RBPJ: variants seen among roughly 807,000 people sequenced by gnomAD.
The protein encoded by RBPJ is recombination signal binding protein for immunoglobulin kappa J region.
Under a neutral mutation model 67.8 loss-of-function variants are expected in RBPJ, and 9 were observed. That is an observed-to-expected ratio of 0.13 (90% CI 0.08 to 0.23). The LOEUF is 0.23. RBPJ is among the 10% of genes least tolerant of loss of function. RBPJ has a pLI of 1.00. For synonymous variants in RBPJ, 198 were observed against 203.3 expected, an observed-to-expected ratio of 0.97 and a Z score of 0.22; for missense variants, 305 against 595.6, an observed-to-expected ratio of 0.51 and a Z score of 5.08.
chr4:26,200,323 G>T (rs557156228), intron 1 of RBPJ, among the ~76,000 whole-genome samples: 2 of 152,300 alleles, frequency 1.3e-5, no homozygotes, highest in African/African-American at 4.8e-5. Context: ...GGTATAGAAA[G>T]ATGACTAACT....
At chr4:26,319,765 C>T (rs1054579956), upstream of RBPJ, 18 of 1,088,038 alleles carry the variant, frequency 1.7e-5, no homozygotes, top group Non-Finnish European at 2.1e-5. Context: ...GCAGCGCCTT[C>T]AACAGGTTTC....
intron 1 of RBPJ, among the ~76,000 whole-genome samples, chr4:26,195,991 CAGAG>C (rs147155469): frequency 3.3e-5 from 5 of 151,650 alleles, no homozygotes; most frequent in East Asian, 1.9e-4. Context: ...AAAGAGGAAA[CAGAG>C]AGAGAGAGAA....
At position 26,308,288 on chromosome 4, in the gene RBPJ, G is replaced by C. The variant is rs114022400; in HGVS notation, c.-166-54158G>C. Among the ~76,000 whole-genome samples, 1,261 of 151,634 alleles carry C rather than the reference G, an allele frequency of 8.3e-3. 16 individuals carry two copies. The highest frequency in any genetic ancestry group is 0.029 in the African/African-American group (1,181 of 41,340). On this transcript the variant is annotated intron_variant, in intron 1 of 4. Coordinates refer to the RBPJ transcript ENST00000512351. Reference sequence around the variant, plus strand: ...AAGACTCCATCTCAAAAAAAAAAAAGAGTTTCTCTAATGCATTTTACAAAT... The same window carrying C: ...AAGACTCCATCTCAAAAAAAAAAAACAGTTTCTCTAATGCATTTTACAAAT...
At chr4:26,107,730 T>G in the RBPJ span, among the ~76,000 whole-genome samples, 2 of 152,162 alleles carry the variant, frequency 1.3e-5, no homozygotes, top group African/African-American at 4.8e-5. Flanking sequence ...AAACCCTATC[T>G]CTACTAAAAA....
rs148120970 is a variant in RBPJ at position 26,378,141 on chromosome 4, T to C, written c.21-8212T>C. ...TTTCATTTTGTCAACTGTTCCACAG[T>C]TGGGGTTTGTTCCTCAATTTGGCTT... is the stretch of plus-strand genomic sequence containing the variant. On this transcript the variant is annotated intron_variant, in intron 1 of 10. Coordinates refer to ENST00000355476, the MANE Select transcript of RBPJ (RefSeq NM_015874.6). Among the ~76,000 whole-genome samples, 121 of 152,278 alleles carry C rather than the reference T, an allele frequency of 7.9e-4. 1 individual carries two copies. The Middle Eastern group carries it at 0.027, about 34-fold the overall frequency.
chr4:26,132,454 CCCAGAGCTGCTCATGGCACCTGCTCCTT>C, the RBPJ span, among the ~76,000 whole-genome samples: 6 of 109,154 alleles, frequency 5.5e-5, no homozygotes, highest in Admixed American at 8.9e-5. Context: ...ACCTGCTCCT[CCCAGAGCTGCTCATGGCACCTGCTCCTT>C]CCAGAGCTGT....
chr4:26,331,972 G>A (rs1465748355), intron 1 of RBPJ, among the ~76,000 whole-genome samples: 1 of 152,184 alleles, frequency 6.6e-6, no homozygotes, highest in East Asian at 1.9e-4. Context: ...TGATGATGAT[G>A]TGTGTAGTGA....
the RBPJ span, among the ~76,000 whole-genome samples, chr4:26,124,605 T>C: frequency 6.6e-6 from 1 of 151,702 alleles, no homozygotes; most frequent in Admixed American, 6.6e-5. Context: ...AGATACCCAG[T>C]AGTGAAATTG....
At chr4:26,283,204 C>T (rs920792160) in intron 1 of RBPJ, among the ~76,000 whole-genome samples, 7 of 145,066 alleles carry the variant, frequency 4.8e-5, no homozygotes, top group Non-Finnish European at 1.1e-4. Context: ...GCTGGGATTA[C>T]AGGCAGGAGC....
At chr4:26,288,368 GTTGCTTATCACAGGGACT>G (rs1721549601) in intron 1 of RBPJ, among the ~76,000 whole-genome samples, 2 of 152,330 alleles carry the variant, frequency 1.3e-5, no homozygotes, top group Admixed American at 1.3e-4. Flanking sequence ...AGAGTCTTCA[GTTGCTTATCACAGGGACT>G]TCCTTGCAGA....
chr4:26,209,709 C>T (rs62409703), intron 1 of RBPJ, among the ~76,000 whole-genome samples: 31 of 21,970 alleles, frequency 1.4e-3, no homozygotes, highest in South Asian at 2.9e-3. Context: ...CTCTCTCCCT[C>T]CCTTCCTCCT....
At chr4:26,124,608 T>A in the RBPJ span, among the ~76,000 whole-genome samples, 1 of 151,592 alleles carries the variant, frequency 6.6e-6, no homozygotes, top group African/African-American at 2.4e-5. Flanking sequence ...TACCCAGTAG[T>A]GAAATTGCTG....
chr4:26,346,469 C>G (rs1286764772), intron 1 of RBPJ, among the ~76,000 whole-genome samples: 1 of 152,190 alleles, frequency 6.6e-6, no homozygotes, highest in Non-Finnish European at 1.5e-5. Flanking sequence ...TTACTGTACA[C>G]ATGGCTGACA....
Position 26,294,136 on chromosome 4 carries a change from C to T in RBPJ, c.-166-68310C>T, listed in dbSNP as rs28629996. Among the ~76,000 whole-genome samples, 1,071 of 151,238 alleles carry T rather than the reference C, an allele frequency of 7.1e-3. 12 individuals are homozygous for T. The highest frequency in any genetic ancestry group is 0.024 in the African/African-American group (1,008 of 41,162). On this transcript the variant is annotated intron_variant, in intron 1 of 4. Coordinates refer to the RBPJ transcript ENST00000512351. ...TTTTTGAGATGGAGTCTCACTCTGT[C>T]GCCCAGATTGGAGTGCAGTGGCACC...
chr4:26,143,856 A>C, the RBPJ span, among the ~76,000 whole-genome samples: 1 of 152,202 alleles, frequency 6.6e-6, no homozygotes, highest in Non-Finnish European at 1.5e-5. Flanking sequence ...TGAGCTCTGG[A>C]GGAAGAAGTT....
At chr4:26,244,251 A>ATG (rs1719773590) in intron 1 of RBPJ, among the ~76,000 whole-genome samples, 1 of 1,048 alleles carries the variant, frequency 9.5e-4, no homozygotes, top group Non-Finnish European at 2.7e-3. Flanking sequence ...ATATGTGTAC[A>ATG]CATACACATA....
chr4:26,166,709 G>T (rs1716319203), intron 1 of RBPJ, among the ~76,000 whole-genome samples: 1 of 152,066 alleles, frequency 6.6e-6, no homozygotes, highest in South Asian at 2.1e-4. Context: ...CTGTGCAGAA[G>T]CTCTTTAGTT....
At chr4:26,160,110 G>T (rs1716050286), upstream of RBPJ, among the ~76,000 whole-genome samples, 1 of 151,800 alleles carries the variant, frequency 6.6e-6, no homozygotes. Context: ...AGTAGAAATG[G>T]GGTTTCACCG....
In RBPJ at chr4:26,386,241, A is replaced by C. The variant is rs1730899899; in HGVS notation, c.21-112A>C. On this transcript the variant is annotated intron_variant, in intron 1 of 10. Coordinates refer to ENST00000355476, the MANE Select transcript of RBPJ (RefSeq NM_015874.6). The stretch of plus-strand genomic sequence containing the variant: ...GAGGATTTCTGTCTTCATGTTCTTC[A>C]GTGAGATTGAAGTATAAGTCATAAA... The C allele has an allele frequency of 8.7e-6, 6 of 686,450 alleles. No individual in the cohort carries two copies. In the South Asian group the frequency reaches 1.1e-4, roughly 13 times the overall value. 42.5% of individuals were successfully genotyped at this position (686,450 alleles called of 1,614,324 possible). A position where few individuals can be genotyped will look rare whatever the true frequency, so the allele number is the denominator to read the frequency against.
Sources: allele counts gnomAD v4.1 joint callset (sites outside exome capture counted in the v4.1 genomes callset), GRCh38; gene constraint gnomAD v4.1.1; transcripts MANE v1.5; gene names NCBI Gene and HGNC (gene_info 2026-07-23, HGNC 2026-07-21).